Variants in LRFN5 observed in about 807,000 individuals in gnomAD.
LRFN5 encodes leucine rich repeat and fibronectin type III domain containing 5.
In LRFN5, 24 loss-of-function variants were observed where a neutral mutation model predicts 45.6. The ratio of observed to expected loss-of-function variants is 0.53; its 90% CI spans 0.38 to 0.74. LRFN5 has a LOEUF of 0.74. Among genes scored for constraint, LRFN5 ranks in the 30% least tolerant of loss-of-function variants. LRFN5 has a pLI of 0.00. For missense variants in LRFN5, 776 were observed against 861.5 expected, an observed-to-expected ratio of 0.90 and a Z score of 1.24; for synonymous variants, 340 against 313.8, an observed-to-expected ratio of 1.08 and a Z score of -0.88.
chr14:41,774,333 A>C (rs1375298009), intron 2 of LRFN5, among the ~76,000 whole-genome samples: 1 of 152,198 alleles, frequency 6.6e-6, no homozygotes, highest in Non-Finnish European at 1.5e-5. Context: ...ATTTTAACAC[A>C]TATTAAACTT....
At chr14:41,825,865 T>C (rs535888033) in intron 2 of LRFN5, among the ~76,000 whole-genome samples, 20 of 152,230 alleles carry the variant, frequency 1.3e-4, no homozygotes, top group African/African-American at 4.1e-4. Flanking sequence ...CCTCCAGCAG[T>C]TTGGAAACCA....
intron 1 of LRFN5, among the ~76,000 whole-genome samples, chr14:41,729,585 T>C (rs571503345): frequency 1.3e-5 from 2 of 152,268 alleles, no homozygotes; most frequent in South Asian, 4.1e-4. Context: ...TTTCCTATTC[T>C]ATACAGGAAA....
At chr14:41,755,264 G>A (rs1366022487) in intron 1 of LRFN5, among the ~76,000 whole-genome samples, 2 of 152,204 alleles carry the variant, frequency 1.3e-5, no homozygotes, top group Admixed American at 1.3e-4. Flanking sequence ...GGAGAGTTCT[G>A]TAGATGTCTA....
intron 2 of LRFN5, among the ~76,000 whole-genome samples, chr14:41,769,235 T>C (rs1885994806): frequency 6.6e-6 from 1 of 152,180 alleles, no homozygotes; most frequent in Non-Finnish European, 1.5e-5. Flanking sequence ...GGAGTAGTAG[T>C]AGCAGAATAA....
At chr14:41,870,557 T>C (rs953796012) in intron 2 of LRFN5, among the ~76,000 whole-genome samples, 1 of 152,124 alleles carries the variant, frequency 6.6e-6, no homozygotes, top group Admixed American at 6.6e-5. Flanking sequence ...TCTTGAGACT[T>C]ATTCACTATC....
At chr14:41,862,196 A>G (rs1368310093) in intron 2 of LRFN5, among the ~76,000 whole-genome samples, 1 of 152,192 alleles carries the variant, frequency 6.6e-6, no homozygotes, top group Non-Finnish European at 1.5e-5. Context: ...TCTTTATAGC[A>G]GTATGAATGG....
At chr14:41,854,936 T>C (rs948523700) in intron 2 of LRFN5, among the ~76,000 whole-genome samples, 2 of 152,208 alleles carry the variant, frequency 1.3e-5, no homozygotes, top group African/African-American at 4.8e-5. Flanking sequence ...GAGTCATCTG[T>C]TGGCAAGGAA....
chr14:41,678,338 A>G (rs1184889384), intron 1 of LRFN5, among the ~76,000 whole-genome samples: 1 of 152,018 alleles, frequency 6.6e-6, no homozygotes, highest in Non-Finnish European at 1.5e-5. Context: ...AATGGTTGAA[A>G]ACCTCTCAAA....
chr14:41,900,928 C>T (rs1231632399), intron 5 of LRFN5, among the ~76,000 whole-genome samples: 1 of 152,076 alleles, frequency 6.6e-6, no homozygotes, highest in Non-Finnish European at 1.5e-5. Context: ...GATTGCAACT[C>T]TTCAGCTCCG....
chr14:41,720,779 T>C (rs1481403450), intron 1 of LRFN5, among the ~76,000 whole-genome samples: 1 of 152,130 alleles, frequency 6.6e-6, no homozygotes, highest in Non-Finnish European at 1.5e-5. Context: ...TTTAAATTTA[T>C]TGAGACTTGC....
intron 2 of LRFN5, among the ~76,000 whole-genome samples, chr14:41,850,784 C>G (rs1889239483): frequency 6.6e-6 from 1 of 151,460 alleles, no homozygotes; most frequent in Non-Finnish European, 1.5e-5. Flanking sequence ...CAACAGTCCT[C>G]TGTCTTACAC....
At chr14:41,809,050 C>G (rs983524405) in intron 2 of LRFN5, among the ~76,000 whole-genome samples, 2 of 152,086 alleles carry the variant, frequency 1.3e-5, no homozygotes, top group African/African-American at 4.8e-5. Context: ...AGCAGGAGGA[C>G]ATTTCCTATC....
intron 2 of LRFN5, among the ~76,000 whole-genome samples, chr14:41,829,197 G>A (rs150189653): frequency 9.2e-5 from 14 of 151,916 alleles, no homozygotes; most frequent in African/African-American, 3.1e-4. Flanking sequence ...ACTATACTCT[G>A]CATTCTATGA....
At chr14:41,876,277 C>CTTTTTTTTTTTTTTTTTTTTT (rs34291427) in intron 2 of LRFN5, among the ~76,000 whole-genome samples, 1 of 100,600 alleles carries the variant, frequency 9.9e-6, no homozygotes, top group Non-Finnish European at 1.9e-5. Flanking sequence ...CTTTTTCTTT[C>CTTTTTTTTTTTTTTTTTTTTT]TTTTTTTTTT....
intron 3 of LRFN5, among the ~76,000 whole-genome samples, chr14:41,890,063 C>T (rs78189284): frequency 0.02 from 3,116 of 152,108 alleles, 43 homozygotes; most frequent in Middle Eastern, 0.037. Flanking sequence ...GGTGTTTCAC[C>T]GTATCGGTCA....
At chr14:41,682,791 G>C (rs914476440) in intron 1 of LRFN5, among the ~76,000 whole-genome samples, 3 of 152,130 alleles carry the variant, frequency 2.0e-5, no homozygotes, top group African/African-American at 7.2e-5. Context: ...AGAGCAGTAA[G>C]TAACAAGATT....
At chr14:41,772,358 G>T (rs1886121135) in intron 2 of LRFN5, among the ~76,000 whole-genome samples, 2 of 152,066 alleles carry the variant, frequency 1.3e-5, no homozygotes, top group Non-Finnish European at 1.5e-5. Flanking sequence ...AATATCCTTA[G>T]GTATATACTT....
intron 1 of LRFN5, among the ~76,000 whole-genome samples, chr14:41,690,215 A>G (rs960752571): frequency 7.9e-4 from 74 of 93,710 alleles, no homozygotes; most frequent in African/African-American, 3.4e-3. Context: ...TAATTAAAAG[A>G]AAAAAAAGGC....
chr14:41,804,030 ATTTTTG>A (rs1887432831), intron 2 of LRFN5, among the ~76,000 whole-genome samples: 2 of 151,908 alleles, frequency 1.3e-5, no homozygotes, highest in African/African-American at 2.4e-5. Flanking sequence ...CACCTGGCTA[ATTTTTG>A]TATTTTTGGT....
Sources: gnomAD v4.1 joint callset for allele counts (sites outside exome capture counted in the v4.1 genomes callset) on GRCh38, gnomAD v4.1.1 for gene constraint, MANE v1.5 for transcripts, NCBI Gene and HGNC (gene_info 2026-07-23, HGNC 2026-07-21) for gene names.